The following AUTS2 variants were observed in gnomAD, a reference collection of about 807,000 sequenced individuals.
The protein encoded by AUTS2 is activator of transcription and developmental regulator AUTS2, also known as autism susceptibility gene 2 protein.
In AUTS2, 17 loss-of-function variants were observed where a neutral mutation model predicts 112.4. The observed-to-expected ratio is 0.15, with a 90% CI of 0.10 to 0.23. The LOEUF (loss-of-function observed/expected upper bound fraction) is 0.23. Ranked by LOEUF, AUTS2 falls within the 10% of genes least tolerant of loss-of-function variation. The pLI, the probability that AUTS2 is intolerant of heterozygous loss-of-function variation, is 1.00. For synonymous variants in AUTS2, 751 were observed against 702.7 expected (o/e 1.07, Z -1.09); for missense variants, 1,510 against 1,701.6 (o/e 0.89, Z 1.98).
At chr7:69,884,190 T>C (rs1794176058) in intron 1 of AUTS2, among the ~76,000 whole-genome samples, 1 of 152,258 alleles carries the variant, frequency 6.6e-6, no homozygotes, top group African/African-American at 2.4e-5. Context: ...GAATGAGTTA[T>C]GTACTTAGTA....
intron 4 of AUTS2, among the ~76,000 whole-genome samples, chr7:70,253,157 A>T (rs1786688737): frequency 6.6e-6 from 1 of 152,126 alleles, no homozygotes. Flanking sequence ...GGCTCCTGTA[A>T]CCTAGTGATG....
intron 2 of AUTS2, among the ~76,000 whole-genome samples, chr7:70,055,899 A>G (rs944988791): frequency 6.6e-6 from 1 of 151,786 alleles, no homozygotes. Flanking sequence ...TTGGTCAGGC[A>G]GGTCTCGAAC....
intron 4 of AUTS2, among the ~76,000 whole-genome samples, chr7:70,258,492 G>T (rs922596213): frequency 6.6e-6 from 1 of 152,074 alleles, no homozygotes; most frequent in African/African-American, 2.4e-5. Context: ...TTTCTTCTTT[G>T]AACATTTTTA....
At chr7:70,780,582 C>G (rs577104220) in intron 14 of AUTS2, among the ~76,000 whole-genome samples, 1 of 152,050 alleles carries the variant, frequency 6.6e-6, no homozygotes, top group African/African-American at 2.4e-5. Context: ...CACCATGTTG[C>G]CCAGGCTGCC....
At chr7:70,551,677 A>G (rs908703541) in intron 5 of AUTS2, among the ~76,000 whole-genome samples, 3 of 152,248 alleles carry the variant, frequency 2.0e-5, no homozygotes, top group Non-Finnish European at 4.4e-5. Flanking sequence ...GATACTAAGT[A>G]CAAATTAAGG....
intron 4 of AUTS2, among the ~76,000 whole-genome samples, chr7:70,431,489 G>T (rs555786183): frequency 6.6e-6 from 1 of 152,030 alleles, no homozygotes; most frequent in South Asian, 2.1e-4. Flanking sequence ...TGGCTCAAGC[G>T]ATTCTCCTGA....
At chr7:70,781,388 G>T in intron 14 of AUTS2, 15 of 294,868 alleles carry the variant, frequency 5.1e-5, no homozygotes, top group East Asian at 7.7e-5. Context: ...AAAAAAACCA[G>T]ACCAAACACT....
intron 1 of AUTS2, among the ~76,000 whole-genome samples, chr7:69,716,851 CTTA>C (rs1798634068): frequency 6.6e-6 from 1 of 152,054 alleles, no homozygotes; most frequent in African/African-American, 2.4e-5. Context: ...TGTTTGCCCA[CTTA>C]TTATTAAGAA....
intron 5 of AUTS2, among the ~76,000 whole-genome samples, chr7:70,641,986 A>G (rs1229490438): frequency 1.3e-5 from 2 of 152,128 alleles, no homozygotes; most frequent in African/African-American, 4.8e-5. Context: ...TAGCACCACA[A>G]TCAAGCACAC....
chr7:69,957,792 A>T (rs1291821201), intron 2 of AUTS2, among the ~76,000 whole-genome samples: 1 of 152,142 alleles, frequency 6.6e-6, no homozygotes, highest in East Asian at 1.9e-4. Flanking sequence ...ATTCAGTTCC[A>T]GGGGCACATG....
intron 4 of AUTS2, among the ~76,000 whole-genome samples, chr7:70,160,857 A>G (rs1257203188): frequency 6.6e-6 from 1 of 152,188 alleles, no homozygotes; most frequent in Non-Finnish European, 1.5e-5. Context: ...TTCTTCTTTG[A>G]TGGAGCTGTG....
chr7:70,206,988 A>G (rs1242975335), intron 4 of AUTS2, among the ~76,000 whole-genome samples: 1 of 152,196 alleles, frequency 6.6e-6, no homozygotes, highest in Non-Finnish European at 1.5e-5. Flanking sequence ...AGATACTTAC[A>G]TTACTTTGGC....
chr7:69,736,506 C>G (rs1787037328), intron 1 of AUTS2, among the ~76,000 whole-genome samples: 1 of 152,172 alleles, frequency 6.6e-6, no homozygotes, highest in South Asian at 2.1e-4. Flanking sequence ...TTTATCCTTG[C>G]CTGCTATTCC....
Position 70,790,769 on chromosome 7 carries a change from A to G in AUTS2, c.3553A>G (p.Ile1185Val). Residue 1185 changes from isoleucine to valine, a missense_variant, in exon 19 of 19, where the codon ATC (isoleucine) becomes GTC (valine). By Grantham distance (29) the Ile-to-Val change is conservative. This residue lies in a region of AUTS2 where 788 missense variants were observed against 797.6 expected (regional missense o/e 0.99). Transcript: ENST00000342771. This position sits in a 1 kb window ranked among gnomAD's most constrained non-coding sequence, Gnocchi z 7.6. ...CGGACACCTCCCCCACCCCAGCCTC[A>G]TCACCCCGGGACTCCCCAGCATGCA... ...LDGHLPHPSL[I>V]TPGLPSMHYP... 6.2e-7 allele frequency: 1 copy of G among 1,610,550 alleles called. No individual in the cohort carries two copies.
At chr7:70,474,423 TTC>T (rs1797505119) in intron 5 of AUTS2, among the ~76,000 whole-genome samples, 1 of 152,194 alleles carries the variant, frequency 6.6e-6, no homozygotes. Flanking sequence ...ATCCAGTTTC[TTC>T]TCTCTTTGTC....
chr7:70,453,887 G>C (rs555612968), intron 5 of AUTS2, among the ~76,000 whole-genome samples: 1 of 152,118 alleles, frequency 6.6e-6, no homozygotes, highest in Non-Finnish European at 1.5e-5. Flanking sequence ...TAACATTTGC[G>C]GGCCTTACAA....
chr7:70,155,746 G>A (rs892790732), intron 4 of AUTS2, among the ~76,000 whole-genome samples: 1 of 152,060 alleles, frequency 6.6e-6, no homozygotes, highest in African/African-American at 2.4e-5. Flanking sequence ...TGCTAAACTG[G>A]AGCCTGTGTT....
At chr7:70,331,497 C>G (rs1184344526) in intron 4 of AUTS2, among the ~76,000 whole-genome samples, 1 of 150,312 alleles carries the variant, frequency 6.7e-6, no homozygotes, top group Non-Finnish European at 1.5e-5. Context: ...TTCAAAAAAA[C>G]TAGCTCCTGG....
chr7:69,770,374 G>T (rs1788608258), intron 1 of AUTS2, among the ~76,000 whole-genome samples: 1 of 152,118 alleles, frequency 6.6e-6, no homozygotes, highest in Admixed American at 6.5e-5. Flanking sequence ...AAAGGTTTTC[G>T]ACACCTGAGA....
Sources: allele counts gnomAD v4.1 joint callset (sites outside exome capture counted in the v4.1 genomes callset), GRCh38; gene constraint gnomAD v4.1.1; regional missense constraint gnomAD v4.1.1; non-coding constraint Gnocchi (gnomAD v3.1); transcripts MANE v1.5; gene names NCBI Gene and HGNC (gene_info 2026-07-23, HGNC 2026-07-21).